The following GPM6A variants were observed in gnomAD, a reference collection of about 807,000 sequenced individuals.
GPM6A encodes glycoprotein M6A, also known as neuronal membrane glycoprotein M6-a.
In GPM6A, 7 loss-of-function variants were observed where a neutral mutation model predicts 32.1. That is an observed-to-expected ratio of 0.22 (90% CI 0.12 to 0.41). The LOEUF is 0.41. GPM6A is among the 10% of genes least tolerant of loss of function. The pLI is 1.00. For missense variants in GPM6A, 235 were observed against 347.2 expected, an observed-to-expected ratio of 0.68 and a Z score of 2.57; for synonymous variants, 130 against 123.4, an observed-to-expected ratio of 1.05 and a Z score of -0.35.
intron 1 of GPM6A, among the ~76,000 whole-genome samples, chr4:175,744,981 G>T (rs994182610): frequency 6.6e-6 from 1 of 152,088 alleles, no homozygotes; most frequent in Non-Finnish European, 1.5e-5. Context: ...CAATTTGCCA[G>T]GTGCTCAATT....
At chr4:175,815,018 C>CT (rs769713782), upstream of GPM6A, among the ~76,000 whole-genome samples, 121 of 148,866 alleles carry the variant, frequency 8.1e-4, no homozygotes, top group South Asian at 1.5e-3. Context: ...ATGATTTTCT[C>CT]TTTTTTTTTT....
intron 1 of GPM6A, among the ~76,000 whole-genome samples, chr4:175,739,333 T>C (rs1214416291): frequency 6.6e-6 from 1 of 152,184 alleles, no homozygotes; most frequent in African/African-American, 2.4e-5. Flanking sequence ...TGATGCATTT[T>C]GTCAAATACC....
chr4:175,654,796 A>G (rs1180528999), intron 3 of GPM6A, among the ~76,000 whole-genome samples: 4 of 151,528 alleles, frequency 2.6e-5, no homozygotes, highest in African/African-American at 9.7e-5. Context: ...AGGCTAATGT[A>G]TAGTCTCTAG....
chr4:175,902,722 G>A (rs1738006806), intron 1 of GPM6A, among the ~76,000 whole-genome samples: 1 of 151,980 alleles, frequency 6.6e-6, no homozygotes, highest in East Asian at 1.9e-4. Flanking sequence ...GAAGGAACCA[G>A]CAACCCATTT....
intron 3 of GPM6A, among the ~76,000 whole-genome samples, chr4:175,667,876 CAG>C (rs933928702): frequency 1.4e-4 from 22 of 151,922 alleles, no homozygotes; most frequent in African/African-American, 5.3e-4. Flanking sequence ...CAAAAACAAA[CAG>C]ATATAAACAA....
intron 1 of GPM6A, chr4:175,807,323 TAC>T (rs1362600689): frequency 6.6e-6 from 1 of 152,176 alleles, no homozygotes; most frequent in Non-Finnish European, 1.5e-5. Flanking sequence ...ACATTAAATA[TAC>T]AGTTGATTCA....
At chr4:175,811,214 G>A (rs1734905699) in intron 1 of GPM6A, among the ~76,000 whole-genome samples, 1 of 151,980 alleles carries the variant, frequency 6.6e-6, no homozygotes, top group South Asian at 2.1e-4. Context: ...TACGATAAGT[G>A]CCTTTATATA....
chr4:175,953,653 G>A (rs1398004158), intron 1 of GPM6A, among the ~76,000 whole-genome samples: 1 of 152,146 alleles, frequency 6.6e-6, no homozygotes, highest in African/African-American at 2.4e-5. Context: ...TGCAATTCCA[G>A]CACTTTGGGA....
intron 1 of GPM6A, among the ~76,000 whole-genome samples, chr4:175,754,474 A>G (rs1358356392): frequency 2.6e-5 from 4 of 152,190 alleles, no homozygotes; most frequent in Non-Finnish European, 5.9e-5. Context: ...AAATGGGTTC[A>G]TGTTAAATTT....
intron 1 of GPM6A, among the ~76,000 whole-genome samples, chr4:175,917,787 CAACTT>C (rs544677225): frequency 2.2e-4 from 34 of 152,060 alleles, no homozygotes; most frequent in African/African-American, 6.3e-4. Context: ...TAAGAAATCT[CAACTT>C]AAGGAGAAAA....
At chr4:175,989,589 G>C (rs1561025040) in intron 1 of GPM6A, among the ~76,000 whole-genome samples, 1 of 151,962 alleles carries the variant, frequency 6.6e-6, no homozygotes, top group Non-Finnish European at 1.5e-5. Context: ...TTGGTATCCT[G>C]CAATTACCAA....
At chr4:175,848,262 A>C (rs893404155) in intron 1 of GPM6A, among the ~76,000 whole-genome samples, 1 of 152,268 alleles carries the variant, frequency 6.6e-6, no homozygotes, top group East Asian at 1.9e-4. Context: ...TTGTCTTCCT[A>C]GTTTTGAGAA....
rs11446115 is a variant in GPM6A, at chr4:175,822,651, C to CTT, written c.-22-10404_-22-10403dup. The stretch of plus-strand genomic sequence containing the variant: ...GATAATTTATTTAATTCTTTTCATG[C>CTT]TTTTTTTTTTGTTTTTTGAAAACAT... On this transcript the variant is annotated intron_variant, in intron 1 of 7. Transcript: ENST00000280187. Among the ~76,000 whole-genome samples, 385 of 147,704 alleles carry CTT rather than the reference C, an allele frequency of 2.6e-3. 1 individual carries two copies. The highest frequency in any genetic ancestry group is 6.4e-3 in the East Asian group (32 of 5,014).
At chr4:175,759,933 A>G (rs1351236679) in intron 1 of GPM6A, among the ~76,000 whole-genome samples, 5 of 152,200 alleles carry the variant, frequency 3.3e-5, no homozygotes, top group Admixed American at 3.3e-4. Flanking sequence ...TAATCCTAGC[A>G]CTTTGGGAAG....
At chr4:175,938,751 A>C (rs1425495658) in intron 1 of GPM6A, among the ~76,000 whole-genome samples, 2 of 151,858 alleles carry the variant, frequency 1.3e-5, no homozygotes, top group African/African-American at 4.8e-5. Context: ...AAAAAAAAAG[A>C]AATGACAAAT....
In GPM6A at chr4:175,912,019, G is replaced by A. The variant is rs537929257; in HGVS notation, c.-23+90290C>T. On this transcript the variant is annotated intron_variant, in intron 1 of 7. Transcript: ENST00000280187. Reference sequence around the variant, plus strand: ...GGCTATATCTATACAGATTTTGAAAGCTAAACAAGTAGATGATACCATGCA... The same window carrying A: ...GGCTATATCTATACAGATTTTGAAAACTAAACAAGTAGATGATACCATGCA... Among the ~76,000 whole-genome samples, 4 of 152,216 alleles carry A rather than the reference G, an allele frequency of 2.6e-5. No homozygotes were observed. In the East Asian group the frequency reaches 7.7e-4, roughly 29 times the overall value.
At chr4:175,693,804 C>T (rs77689186) in intron 2 of GPM6A, among the ~76,000 whole-genome samples, 1 of 152,098 alleles carries the variant, frequency 6.6e-6, no homozygotes, top group Non-Finnish European at 1.5e-5. Context: ...TGTCCCCACC[C>T]AAATCTAATG....
Position 175,930,530 on chromosome 4 carries a change from C to T in GPM6A, c.-23+71779G>A, listed in dbSNP as rs191797425. 5.4e-4 allele frequency among the ~76,000 whole-genome samples: 82 copies of T among 151,698 alleles called. 2 individuals carry two copies. The highest frequency in any genetic ancestry group is 1.8e-3 in the African/African-American group (75 of 41,372). On this transcript the variant is annotated intron_variant, in intron 1 of 7. Transcript: ENST00000280187. ...CAGCTTATTTTATGCATTTCACAAGCTAAATTTAGACAATTATACTCAACT... is the reference window on the plus strand; with the variant it reads ...CAGCTTATTTTATGCATTTCACAAGTTAAATTTAGACAATTATACTCAACT...
chr4:175,841,984 A>G (rs1229996135), intron 1 of GPM6A, among the ~76,000 whole-genome samples: 8 of 152,166 alleles, frequency 5.3e-5, no homozygotes, highest in African/African-American at 1.9e-4. Flanking sequence ...ATGAATATAC[A>G]TGTAGCCAAA....
Sources: gnomAD v4.1 joint callset for allele counts (sites outside exome capture counted in the v4.1 genomes callset) on GRCh38, gnomAD v4.1.1 for gene constraint, MANE v1.5 for transcripts, NCBI Gene and HGNC (gene_info 2026-07-23, HGNC 2026-07-21) for gene names.